Variants in RPS6KA5 observed in about 807,000 individuals in gnomAD.
RPS6KA5 encodes ribosomal protein S6 kinase A5, also known as ribosomal protein S6 kinase alpha-5.
RPS6KA5 carries 27 observed loss-of-function variants against 85.5 expected under a neutral mutation model. The ratio of observed to expected loss-of-function variants is 0.32; its 90% CI spans 0.23 to 0.44. The LOEUF is 0.44. Ranked by LOEUF, RPS6KA5 falls within the 20% of genes least tolerant of loss-of-function variation. The pLI, the probability that RPS6KA5 is intolerant of heterozygous loss-of-function variation, is 1.00. For missense variants in RPS6KA5, 811 were observed against 980.9 expected (o/e 0.83, Z 2.31); for synonymous variants, 334 against 348.2 (o/e 0.96, Z 0.46).
intron 3 of RPS6KA5, among the ~76,000 whole-genome samples, chr14:90,976,626 G>T (rs1003303072): frequency 2.6e-5 from 4 of 152,128 alleles, no homozygotes; most frequent in Non-Finnish European, 5.9e-5. Flanking sequence ...GGTAGATACT[G>T]AAGACATATA....
intron 1 of RPS6KA5, among the ~76,000 whole-genome samples, chr14:91,040,894 C>T (rs1485534568): frequency 1.3e-5 from 2 of 152,150 alleles, no homozygotes; most frequent in African/African-American, 4.8e-5. Context: ...ACATTAGTAA[C>T]TTTAGTGAAA....
chr14:90,897,145 C>T (rs900089491), intron 12 of RPS6KA5, among the ~76,000 whole-genome samples: 4 of 152,160 alleles, frequency 2.6e-5, no homozygotes, highest in Non-Finnish European at 5.9e-5. Context: ...CCTCGCCATG[C>T]GCAGTTCACA....
At chr14:90,958,998 C>T (rs1200340827) in intron 3 of RPS6KA5, among the ~76,000 whole-genome samples, 1 of 151,852 alleles carries the variant, frequency 6.6e-6, no homozygotes, top group Non-Finnish European at 1.5e-5. Flanking sequence ...TGAGGAAAGA[C>T]TGTTCCAAGC....
At chr14:90,890,378 C>A in intron 14 of RPS6KA5, 109 bp downstream of exon 14, 1 of 932,326 alleles carries the variant, frequency 1.1e-6, no homozygotes, top group Non-Finnish European at 1.5e-6. Context: ...AGAAAAGAAA[C>A]CACTTTGCCA....
intron 1 of RPS6KA5, among the ~76,000 whole-genome samples, chr14:91,003,538 CT>C (rs1215803050): frequency 2.0e-5 from 3 of 152,312 alleles, no homozygotes; most frequent in Non-Finnish European, 4.4e-5. Context: ...CTCAAGTCTT[CT>C]CCAACCTCCT....
At chr14:90,978,841 T>C (rs946842682) in intron 2 of RPS6KA5, among the ~76,000 whole-genome samples, 1 of 152,142 alleles carries the variant, frequency 6.6e-6, no homozygotes, top group Admixed American at 6.5e-5. Flanking sequence ...ACAATCCAAT[T>C]CTGGAACAAC....
chr14:90,890,827 G>A (rs1473339221), intron 13 of RPS6KA5, 149 bp from the exon 14 acceptor site: 1 of 593,682 alleles, frequency 1.7e-6, no homozygotes, highest in Admixed American at 3.0e-5. Flanking sequence ...TCAATACACT[G>A]CTGCTCTCTG....
At chr14:90,953,723 G>C (rs932685007) in intron 3 of RPS6KA5, among the ~76,000 whole-genome samples, 1 of 152,160 alleles carries the variant, frequency 6.6e-6, no homozygotes, top group African/African-American at 2.4e-5. Flanking sequence ...GTCTTATGCA[G>C]TTGAGATAAG....
At chr14:90,881,459 A>AC (rs940075385) in intron 14 of RPS6KA5, among the ~76,000 whole-genome samples, 1 of 151,484 alleles carries the variant, frequency 6.6e-6, no homozygotes, top group Non-Finnish European at 1.5e-5. Flanking sequence ...TCTCAAAAAA[A>AC]AAAAAAAAGT....
At chr14:90,934,266 TA>T (rs1355896972) in intron 5 of RPS6KA5, among the ~76,000 whole-genome samples, 1 of 152,224 alleles carries the variant, frequency 6.6e-6, no homozygotes, top group Non-Finnish European at 1.5e-5. Context: ...AAAATTTTCA[TA>T]ACTGAAAATG....
intron 3 of RPS6KA5, among the ~76,000 whole-genome samples, chr14:90,961,541 T>A (rs562300888): frequency 6.6e-6 from 1 of 152,294 alleles, no homozygotes; most frequent in Admixed American, 6.5e-5. Flanking sequence ...TTAAATGACT[T>A]AGAACCAATA....
At chr14:91,054,155 C>A (rs76004452) in intron 1 of RPS6KA5, among the ~76,000 whole-genome samples, 3,034 of 152,226 alleles carry the variant, frequency 0.02, 41 homozygotes, top group Middle Eastern at 0.051. Flanking sequence ...AAGAATGAGT[C>A]TGAATCACTA....
At chr14:90,923,348 C>A in intron 5 of RPS6KA5, 152 bp from the exon 6 acceptor site, 1 of 632,180 alleles carries the variant, frequency 1.6e-6, no homozygotes, top group South Asian at 1.8e-5. Flanking sequence ...CTGGAACAGA[C>A]CACTGTCTAC....
intron 14 of RPS6KA5, among the ~76,000 whole-genome samples, chr14:90,888,894 A>C (rs1055128525): frequency 6.6e-6 from 1 of 152,226 alleles, no homozygotes; most frequent in East Asian, 1.9e-4. Context: ...ACACCAGAAA[A>C]AACATTTCCA....
chr14:90,958,074 A>T (rs542029899), intron 3 of RPS6KA5, among the ~76,000 whole-genome samples: 7 of 152,312 alleles, frequency 4.6e-5, no homozygotes, highest in African/African-American at 1.7e-4. Context: ...CAGGAGGTCA[A>T]GGCTGCAGTG....
At chr14:91,033,330 T>C (rs2042267608) in intron 1 of RPS6KA5, among the ~76,000 whole-genome samples, 1 of 152,128 alleles carries the variant, frequency 6.6e-6, no homozygotes, top group Non-Finnish European at 1.5e-5. Flanking sequence ...ATAGAAACTG[T>C]TGGGCCGGGC....
chr14:91,003,417 G>A (rs555932820), intron 1 of RPS6KA5, among the ~76,000 whole-genome samples: 1 of 152,280 alleles, frequency 6.6e-6, no homozygotes, highest in East Asian at 1.9e-4. Flanking sequence ...GGAAACCCTA[G>A]TCATTCACAA....
intron 7 of RPS6KA5, 75 bp from the exon 8 acceptor site, chr14:90,906,374 T>A: frequency 8.2e-7 from 1 of 1,223,506 alleles, no homozygotes; most frequent in Non-Finnish European, 1.1e-6. Flanking sequence ...AAATACACTT[T>A]GAAACTGAAC....
In RPS6KA5 at chr14:90,859,905, G is replaced by A. The variant is rs1177363391; in HGVS notation, c.*12169C>T. The A allele has an allele frequency of 7.4e-6, 1 of 135,664 alleles. No individual in the cohort carries two copies. Among genetic ancestry groups the A allele is most frequent in the Non-Finnish European group, 1.5e-5 (1 of 65,530 alleles). 8.4% of individuals were successfully genotyped at this position (135,664 alleles called of 1,614,324 possible). A position where few individuals can be genotyped will look rare whatever the true frequency, so the allele number is the denominator to read the frequency against. ...ATGTTCTCACTCATAAGTGGGAGTT[G>A]AACAATGAGAACACATGGAAACAGG... On this transcript the variant is annotated 3_prime_UTR_variant, in exon 17 of 17. Transcript: ENST00000614987.
Sources: allele counts gnomAD v4.1 joint callset (sites outside exome capture counted in the v4.1 genomes callset), GRCh38; gene constraint gnomAD v4.1.1; transcripts MANE v1.5; gene names NCBI Gene and HGNC (gene_info 2026-07-23, HGNC 2026-07-21).